Variants in AGAP1 observed in about 807,000 individuals in gnomAD.
AGAP1 encodes the protein ArfGAP with GTPase domain, ankyrin repeat and PH domain 1.
A neutral mutation model predicts 105.3 loss-of-function variants in AGAP1; 29 were observed. The observed-to-expected ratio is 0.28, with a 90% CI of 0.21 to 0.38. AGAP1 has a LOEUF of 0.38. Ranked by LOEUF, AGAP1 falls within the 10% of genes least tolerant of loss-of-function variation. The pLI, the probability that AGAP1 is intolerant of heterozygous loss-of-function variation, is 1.00. For synonymous variants in AGAP1, 509 were observed against 485.9 expected, an observed-to-expected ratio of 1.05 and a Z score of -0.63; for missense variants, 998 against 1,165.1, an observed-to-expected ratio of 0.86 and a Z score of 2.09.
chr2:235,679,782 G>A lies in AGAP1; in HGVS notation c.164-29397G>A, dbSNP rs184098874. 4.8e-4 allele frequency among the ~76,000 whole-genome samples: 73 copies of A among 152,318 alleles called. No homozygotes were observed. The Middle Eastern group carries it at 0.02, about 43-fold the overall frequency. ...AGTAATCTGTGCTCTTGAGATTTTA[G>A]AGAATAAGGATGGATATTCCTTGTT... On this transcript the variant is annotated intron_variant, in intron 1 of 17. Transcript: ENST00000304032.
intron 6 of AGAP1, among the ~76,000 whole-genome samples, chr2:235,779,784 A>G (rs559839137): frequency 6.6e-6 from 1 of 152,360 alleles, no homozygotes; most frequent in East Asian, 1.9e-4. Context: ...AATTAGGCAT[A>G]AAGTGAATGT....
intron 3 of AGAP1, chr2:235,718,426 C>T (rs1054542355): frequency 2.0e-6 from 2 of 984,202 alleles, no homozygotes; most frequent in Non-Finnish European, 2.4e-6. Context: ...CAGCGCTTGT[C>T]TTGTTTTGGA....
intron 1 of AGAP1, among the ~76,000 whole-genome samples, chr2:235,618,087 A>C (rs143072831): frequency 6.6e-6 from 1 of 152,152 alleles, no homozygotes; most frequent in African/African-American, 2.4e-5. Flanking sequence ...ATGTGATCGC[A>C]CACATTTTGG....
chr2:236,083,504 G>A lies in AGAP1; in HGVS notation c.2114+34223G>A, dbSNP rs1227870349. 6.6e-6 allele frequency among the ~76,000 whole-genome samples: 1 copy of A among 152,206 alleles called. No homozygotes were observed. The highest frequency in any genetic ancestry group is 1.5e-5 in the Non-Finnish European group (1 of 68,024). Reference sequence around the variant, plus strand: ...ATTCTTCTATTATTTTGAAGAGCCTGTTTATTTTCCAGCAGTTACCAGCTT... The same window carrying A: ...ATTCTTCTATTATTTTGAAGAGCCTATTTATTTTCCAGCAGTTACCAGCTT... On this transcript the variant is annotated intron_variant, in intron 16 of 17. Transcript: ENST00000304032. The surrounding 1 kb of genome is among the most constrained non-coding windows in gnomAD (Gnocchi z 5.3).
rs1169637019 is a variant in AGAP1 at position 235,642,707 on chromosome 2, C to G, written c.164-66472C>G. Among the ~76,000 whole-genome samples the G allele has an allele frequency of 6.6e-6, 1 of 152,248 alleles. No individual in the cohort carries two copies. The highest frequency in any genetic ancestry group is 1.9e-4 in the East Asian group (1 of 5,202). ...AAGGCTACTTTGCTTCAGGAAGTTA[C>G]AGCAGCCATAGAGGACTCTGCTTAT... On this transcript the variant is annotated intron_variant, in intron 1 of 17. Transcript: ENST00000304032. This position sits in a 1 kb window ranked among gnomAD's most constrained non-coding sequence, Gnocchi z 4.1.
At position 235,867,572 on chromosome 2, in the gene AGAP1, T is replaced by TGTGTGCGTGC. The variant is rs375110513; in HGVS notation, c.1051-15770_1051-15769insTGCGTGCGTG. Among the ~76,000 whole-genome samples the TGTGTGCGTGC allele has an allele frequency of 6.1e-5, 9 of 148,370 alleles. No individual in the cohort carries two copies. The highest frequency in any genetic ancestry group is 1.2e-4 in the Non-Finnish European group (8 of 67,064). On this transcript the variant is annotated intron_variant, in intron 9 of 17. Transcript: ENST00000304032. This position sits in a 1 kb window ranked among gnomAD's most constrained non-coding sequence, Gnocchi z 5.4. ...GTGTGTGTGTGTGTGTGTGTGTGTG[T>TGTGTGCGTGC]GTGCAAGTGAGGGAGGGTGACCCCC... is the stretch of plus-strand genomic sequence containing the variant.
intron 1 of AGAP1, among the ~76,000 whole-genome samples, chr2:235,518,209 G>A (rs753229310): frequency 1.3e-5 from 2 of 152,192 alleles, no homozygotes; most frequent in African/African-American, 2.4e-5. Flanking sequence ...TAACTCTGGT[G>A]TTTAATCCAC....
rs2057563660 is a variant in AGAP1 at position 236,042,020 on chromosome 2, CTAGT to C, written c.1891+1181_1891+1184del. ...TTTTGGGCTGGAAAACCAGTAGAAGCTAGTTGGAGTGTGAGTGCCAAGTGAAACT... is the reference window on the plus strand; with the variant it reads ...TTTTGGGCTGGAAAACCAGTAGAAGCTGGAGTGTGAGTGCCAAGTGAAACT... On this transcript the variant is annotated intron_variant, in intron 15 of 17. Transcript: ENST00000304032. This position sits in a 1 kb window ranked among gnomAD's most constrained non-coding sequence, Gnocchi z 5.6. Among the ~76,000 whole-genome samples the C allele has an allele frequency of 6.6e-6, 1 of 152,150 alleles. No individual in the cohort carries two copies. Among genetic ancestry groups the C allele is most frequent in the African/African-American group, 2.4e-5 (1 of 41,422 alleles).
Position 235,877,961 on chromosome 2 carries a change from T to C in AGAP1, c.1051-5384T>C, listed in dbSNP as rs1393507212. On this transcript the variant is annotated intron_variant, in intron 9 of 17. Coordinates refer to ENST00000304032, the MANE Select transcript of AGAP1 (RefSeq NM_001037131.3). The surrounding 1 kb of genome is among the most constrained non-coding windows in gnomAD (Gnocchi z 4.3). ...CCTTCCTCCCTCCACCCTGCACACC[T>C]ATGGCAGGGCCCAGACATTCAGGCA... 6.6e-6 allele frequency among the ~76,000 whole-genome samples: 1 copy of C among 152,142 alleles called. No homozygotes were observed. The highest frequency in any genetic ancestry group is 1.5e-5 in the Non-Finnish European group (1 of 68,006).
At chr2:236,031,828 G>T (rs2057233124) in intron 13 of AGAP1, among the ~76,000 whole-genome samples, 1 of 152,090 alleles carries the variant, frequency 6.6e-6, no homozygotes, top group Admixed American at 6.5e-5. Context: ...GCAGTCCCTG[G>T]CATTGGGCTC....
At chr2:235,975,552 TCTTTTCTCACTCCTGGGGTGC>T (rs2054825259) in intron 13 of AGAP1, among the ~76,000 whole-genome samples, 1 of 152,216 alleles carries the variant, frequency 6.6e-6, no homozygotes, top group Non-Finnish European at 1.5e-5. Context: ...AAGGCTCTCA[TCTTTTCTCACTCCTGGGGTGC>T]AATTAGTGTG....
chr2:235,834,419 G>C (rs1007272339), intron 9 of AGAP1, among the ~76,000 whole-genome samples: 11 of 152,164 alleles, frequency 7.2e-5, no homozygotes, highest in African/African-American at 2.7e-4. Flanking sequence ...GTCCCTGCCT[G>C]CTGGAATAAC....
At chr2:235,643,053 C>T (rs1947250556) in intron 1 of AGAP1, among the ~76,000 whole-genome samples, 1 of 152,140 alleles carries the variant, frequency 6.6e-6, no homozygotes, top group Non-Finnish European at 1.5e-5. Flanking sequence ...CTCCAGGGAC[C>T]AGCTCCTTCC....
Position 235,582,979 on chromosome 2 carries a change from A to G in AGAP1, c.163+88130A>G, listed in dbSNP as rs935885520. On this transcript the variant is annotated intron_variant, in intron 1 of 17. Coordinates refer to ENST00000304032, the MANE Select transcript of AGAP1 (RefSeq NM_001037131.3). The surrounding 1 kb of genome is among the most constrained non-coding windows in gnomAD (Gnocchi z 4.7). ...GTTGGGATTTGGCTCGGAACCTGCC[A>G]AGGACCCCTGTGTGTTAAAGTTGAA... is the stretch of plus-strand genomic sequence containing the variant. 1.3e-5 allele frequency among the ~76,000 whole-genome samples: 2 copies of G among 152,208 alleles called. No individual in the cohort carries two copies. Among genetic ancestry groups the G allele is most frequent in the Non-Finnish European group, 2.9e-5 (2 of 68,032 alleles).
rs1438825071 is a variant in AGAP1, at chr2:235,904,757, T to C, written c.1156-3981T>C. ...CCTCAAGTACCAAGCTGGGGAGAGA[T>C]GAAAAGGATCAGTTCTTTCAAAACC... On this transcript the variant is annotated intron_variant, in intron 10 of 17. Transcript: ENST00000304032. The surrounding 1 kb of genome is among the most constrained non-coding windows in gnomAD (Gnocchi z 4.2). Among the ~76,000 whole-genome samples the C allele has an allele frequency of 6.6e-6, 1 of 152,134 alleles. No individual in the cohort carries two copies. The highest frequency in any genetic ancestry group is 1.9e-4 in the East Asian group (1 of 5,180).
rs1184158431 is a variant in AGAP1, at chr2:235,888,237, T to C, written c.1155+4788T>C. On this transcript the variant is annotated intron_variant, in intron 10 of 17. Coordinates refer to ENST00000304032, the MANE Select transcript of AGAP1 (RefSeq NM_001037131.3). This position sits in a 1 kb window ranked among gnomAD's most constrained non-coding sequence, Gnocchi z 4.8. ...CGGGTAGTTCAGGAGGATCTCAGGATTATTTGTTCTTTAGGATCAAACCGA... is the reference window on the plus strand; with the variant it reads ...CGGGTAGTTCAGGAGGATCTCAGGACTATTTGTTCTTTAGGATCAAACCGA... 6.6e-6 allele frequency among the ~76,000 whole-genome samples: 1 copy of C among 152,010 alleles called. No individual in the cohort carries two copies. The highest frequency in any genetic ancestry group is 1.5e-5 in the Non-Finnish European group (1 of 67,996).
chr2:235,526,672 T>G (rs71361987), intron 1 of AGAP1, among the ~76,000 whole-genome samples: 1 of 151,794 alleles, frequency 6.6e-6, no homozygotes, highest in East Asian at 1.9e-4. Context: ...TACAAAATTA[T>G]TGTGTGTATT....
At chr2:236,103,234 G>T (rs1304082492) in intron 16 of AGAP1, among the ~76,000 whole-genome samples, 1 of 152,094 alleles carries the variant, frequency 6.6e-6, no homozygotes, top group African/African-American at 2.4e-5. Context: ...CCCAGAAAAA[G>T]GAAAAATCTC....
chr2:236,060,762 A>G (rs920931255), intron 16 of AGAP1, among the ~76,000 whole-genome samples: 13 of 152,106 alleles, frequency 8.5e-5, no homozygotes, highest in Admixed American at 5.9e-4. Context: ...AGATTGTCCA[A>G]TTTAAACATG....
Sources: allele counts gnomAD v4.1 joint callset (sites outside exome capture counted in the v4.1 genomes callset), GRCh38; gene constraint gnomAD v4.1.1; non-coding constraint Gnocchi (gnomAD v3.1); transcripts MANE v1.5; gene names NCBI Gene and HGNC (gene_info 2026-07-23, HGNC 2026-07-21).